VANGL1: variants seen among roughly 807,000 people sequenced by gnomAD.
The protein encoded by VANGL1 is VANGL planar cell polarity protein 1, also known as vang-like protein 1.
Under a neutral mutation model 48.4 loss-of-function variants are expected in VANGL1, and 18 were observed. The ratio of observed to expected loss-of-function variants is 0.37; its 90% confidence interval spans 0.26 to 0.55. VANGL1 has a LOEUF of 0.55. VANGL1 is among the 20% of genes least tolerant of loss of function. The pLI is 0.81. For missense variants in VANGL1, 667 were observed against 675.8 expected (o/e 0.99, Z 0.14); for synonymous variants, 257 against 261.8 (o/e 0.98, Z 0.18).
chr1:115,660,801 A>G (rs1308071382), intron 3 of VANGL1, among the ~76,000 whole-genome samples: 1 of 152,240 alleles, frequency 6.6e-6, no homozygotes, highest in Non-Finnish European at 1.5e-5. Context: ...CTCAGAGTAC[A>G]CAAGGTGTTC....
At chr1:115,686,083 C>G (rs913221771) in intron 7 of VANGL1, among the ~76,000 whole-genome samples, 2 of 152,034 alleles carry the variant, frequency 1.3e-5, no homozygotes, top group Non-Finnish European at 2.9e-5. Context: ...CTCTACCATG[C>G]GATTTACATG....
Position 115,693,215 on chromosome 1 carries a change from T to C in VANGL1, c.*1836T>C, listed in dbSNP as rs1653911383. 1 of 152,628 alleles carries C rather than the reference T, an allele frequency of 6.6e-6. No homozygotes were observed. The highest frequency in any genetic ancestry group is 2.1e-4 in the South Asian group (1 of 4,822). 9.5% of individuals were successfully genotyped at this position (152,628 alleles called of 1,614,324 possible). ...CCATGGTGCTTTTGTTCTTAGTTTTTGCCGTTAGATCCCTTCAAACTGGAA... is the reference window on the plus strand; with the variant it reads ...CCATGGTGCTTTTGTTCTTAGTTTTCGCCGTTAGATCCCTTCAAACTGGAA... On this transcript the variant is annotated 3_prime_UTR_variant, in exon 8 of 8. Transcript: ENST00000355485.
chr1:115,661,907 C>T lies in VANGL1; in HGVS notation c.205-1754C>T, dbSNP rs7548723. On this transcript the variant is annotated intron_variant, in intron 3 of 7. Transcript: ENST00000355485. ...TGCTAGGATTACAGGCGTGAGCCAC[C>T]GTGCCTGGCTGGATGTATATTTTTA... 6.4e-3 allele frequency among the ~76,000 whole-genome samples: 980 copies of T among 152,262 alleles called. 10 individuals are homozygous for T. Among genetic ancestry groups the T allele is most frequent in the Non-Finnish European group, 6.8e-3 (463 of 68,022 alleles).
chr1:115,688,219 A>G (rs1458665955), intron 7 of VANGL1, among the ~76,000 whole-genome samples: 1 of 137,976 alleles, frequency 7.2e-6, no homozygotes, highest in Non-Finnish European at 1.6e-5. Flanking sequence ...TCTTACTCAT[A>G]CAGATATAAC....
In VANGL1 at chr1:115,643,608, T is replaced by A. The variant is rs184592080; in HGVS notation, c.-138+1522T>A. 9.8e-5 allele frequency among the ~76,000 whole-genome samples: 15 copies of A among 152,316 alleles called. No individual in the cohort carries two copies. The East Asian group carries it at 2.9e-3, about 29-fold the overall frequency. On this transcript the variant is annotated intron_variant, in intron 1 of 7. Transcript: ENST00000355485. ...ATTTCACTATTAACAATGTTGGCAG[T>A]GAGGCTTGCTTGCAACTTAATTTGT... is the stretch of plus-strand genomic sequence containing the variant.
At chr1:115,678,187 G>T (rs1036849365) in intron 4 of VANGL1, among the ~76,000 whole-genome samples, 48 of 152,364 alleles carry the variant, frequency 3.2e-4, no homozygotes, top group Non-Finnish European at 1.0e-4. Context: ...CACAAGTCAT[G>T]TGTCATCACT....
chr1:115,672,550 A>T (rs1007079352), intron 4 of VANGL1, among the ~76,000 whole-genome samples: 2 of 151,986 alleles, frequency 1.3e-5, no homozygotes, highest in African/African-American at 4.8e-5. Flanking sequence ...AAACCTGTGG[A>T]TCTCCCCCTC....
At chr1:115,655,761 C>A (rs921268631) in intron 2 of VANGL1, among the ~76,000 whole-genome samples, 1 of 152,162 alleles carries the variant, frequency 6.6e-6, no homozygotes, top group African/African-American at 2.4e-5. Context: ...CATTGGGGAA[C>A]CCTCTCCCAG....
In VANGL1 at chr1:115,684,087, C is replaced by T. The variant is rs1383895182; in HGVS notation, c.1079+11C>T. Reference sequence around the variant, plus strand: ...GAAGCGGAAAGCAAGGTATACTGCCCTCCTGATGCCAGTACCCTCTTACAG... The same window carrying T: ...GAAGCGGAAAGCAAGGTATACTGCCTTCCTGATGCCAGTACCCTCTTACAG... On this transcript the variant is annotated intron_variant, in intron 6 of 7. Transcript: ENST00000355485. 3.7e-6 allele frequency: 6 copies of T among 1,612,642 alleles called. No homozygotes were observed. Among genetic ancestry groups the T allele is most frequent in the Non-Finnish European group, 5.1e-6 (6 of 1,179,178 alleles).
chr1:115,645,255 A>G (rs1651872069), intron 1 of VANGL1, among the ~76,000 whole-genome samples: 1 of 152,198 alleles, frequency 6.6e-6, no homozygotes, highest in Non-Finnish European at 1.5e-5. Flanking sequence ...AGTAGCAGTT[A>G]AAGGTGGTAG....
rs1202810000 is a variant in VANGL1, at chr1:115,690,125, G to A, written c.1315-994G>A. ...CAAACTCCTAGTATGTGCTAGGCAC[G>A]TTGGAAATTCAAATTAAAGAAACAA... On this transcript the variant is annotated intron_variant, in intron 7 of 7. Coordinates refer to ENST00000355485, the MANE Select transcript of VANGL1 (RefSeq NM_138959.3). 6.5e-5 allele frequency among the ~76,000 whole-genome samples: 6 copies of A among 92,974 alleles called. 1 individual carries two copies. Among genetic ancestry groups the A allele is most frequent in the Non-Finnish European group, 9.3e-5 (4 of 43,108 alleles). 61.0% of individuals were successfully genotyped at this position (92,974 alleles called of 152,430 possible). A position where few individuals can be genotyped will look rare whatever the true frequency, so the allele number is the denominator to read the frequency against.
At chr1:115,649,166 A>T (rs1282038418) in intron 1 of VANGL1, among the ~76,000 whole-genome samples, 1 of 152,206 alleles carries the variant, frequency 6.6e-6, no homozygotes, top group East Asian at 1.9e-4. Flanking sequence ...TGGTGGAGAC[A>T]GTAGGCAGAA....
intron 4 of VANGL1, among the ~76,000 whole-genome samples, chr1:115,675,690 T>C (rs1653135100): frequency 6.6e-6 from 1 of 152,024 alleles, no homozygotes; most frequent in Non-Finnish European, 1.5e-5. Flanking sequence ...TACTTGGGAT[T>C]TGAGGCAGGA....
intron 4 of VANGL1, among the ~76,000 whole-genome samples, chr1:115,680,013 GTGTGTGTGT>G (rs1557773390): frequency 2.8e-4 from 32 of 112,724 alleles, no homozygotes; most frequent in African/African-American, 8.4e-4. Flanking sequence ...GTGTGTGTGT[GTGTGTGTGT>G]ATGTGAGAGA....
At chr1:115,659,829 G>A in intron 3 of VANGL1, 56 bp downstream of exon 3, 1 of 1,611,578 alleles carries the variant, frequency 6.2e-7, no homozygotes, top group Non-Finnish European at 8.5e-7. Flanking sequence ...ACTCCTGTCT[G>A]TAAATGTTTT....
At position 115,694,044 on chromosome 1, in the gene VANGL1, A is replaced by ATGTTCC. The variant is rs1277366076; in HGVS notation, c.*2665_*2666insTGTTCC. The ATGTTCC allele has an allele frequency of 2.0e-5, 3 of 152,202 alleles. No homozygotes were observed. Among genetic ancestry groups the ATGTTCC allele is most frequent in the Non-Finnish European group, 4.4e-5 (3 of 68,024 alleles). 9.4% of individuals were successfully genotyped at this position (152,202 alleles called of 1,614,324 possible). ...TGCTCTCTTCCCTGGTGATGTTTTA[A>ATGTTCC]CTGGTAGATAATTTGTTCTTAAATA... On this transcript the variant is annotated 3_prime_UTR_variant, in exon 8 of 8. Coordinates refer to ENST00000355485, the MANE Select transcript of VANGL1 (RefSeq NM_138959.3).
chr1:115,697,666 T>A lies in VANGL1; in HGVS notation c.*6287T>A, dbSNP rs1218550212. 1.3e-5 allele frequency: 2 copies of A among 152,216 alleles called. No homozygotes were observed. The highest frequency in any genetic ancestry group is 4.8e-5 in the African/African-American group (2 of 41,448). The allele number at this position is 152,216 out of a possible 1,614,324, so 9.4% of individuals were successfully genotyped here. On this transcript the variant is annotated 3_prime_UTR_variant, in exon 8 of 8. Transcript: ENST00000355485. ...TATTTGAGAGGAGATTATTTGATAA[T>A]TGCTTTGGTTAGAAGGACTTTACAT...
intron 4 of VANGL1, among the ~76,000 whole-genome samples, chr1:115,674,556 A>G (rs918184049): frequency 6.6e-6 from 1 of 152,206 alleles, no homozygotes; most frequent in African/African-American, 2.4e-5. Context: ...AAAACTTTTT[A>G]GTACTTTTTC....
At chr1:115,645,587 A>T (rs111348528) in intron 1 of VANGL1, among the ~76,000 whole-genome samples, 369 of 152,304 alleles carry the variant, frequency 2.4e-3, no homozygotes, top group African/African-American at 8.6e-3. Context: ...AATGCTCTTC[A>T]CCCACAATTT....
Sources: allele counts gnomAD v4.1 joint callset (sites outside exome capture counted in the v4.1 genomes callset), GRCh38; gene constraint gnomAD v4.1.1; transcripts MANE v1.5; gene names NCBI Gene and HGNC (gene_info 2026-07-23, HGNC 2026-07-21).